Variants in RTTN observed in about 807,000 individuals in gnomAD.
RTTN encodes rotatin.
Under a neutral mutation model 269.2 loss-of-function variants are expected in RTTN, and 182 were observed. The ratio of observed to expected loss-of-function variants is 0.68; its 90% CI spans 0.60 to 0.76. RTTN has a LOEUF of 0.76. Among genes scored for constraint, RTTN ranks in the 30% least tolerant of loss-of-function variants. The pLI is 0.00. For missense variants in RTTN, 2,545 were observed against 2,608.6 expected (o/e 0.98, Z 0.53); for synonymous variants, 1,006 against 963.5 (o/e 1.04, Z -0.82).
At chr18:70,050,757 G>A (rs2057639191) in intron 39 of RTTN, among the ~76,000 whole-genome samples, 8 of 152,160 alleles carry the variant, frequency 5.3e-5, no homozygotes, top group Admixed American at 3.3e-4. Flanking sequence ...AAAAGAATGA[G>A]TTCATGTCCT....
At chr18:70,180,498 C>T (rs1243950125) in intron 10 of RTTN, among the ~76,000 whole-genome samples, 4 of 151,572 alleles carry the variant, frequency 2.6e-5, no homozygotes, top group South Asian at 4.2e-4. Context: ...ACGAAAATTG[C>T]TTCAATCCAG....
chr18:70,123,837 A>G (rs570701246), intron 25 of RTTN, among the ~76,000 whole-genome samples: 2 of 152,174 alleles, frequency 1.3e-5, no homozygotes, highest in East Asian at 1.9e-4. Flanking sequence ...GCCCACTGCT[A>G]TATTTCCTAC....
rs1190543631 is a variant in RTTN at position 70,020,596 on chromosome 18, G to A, written c.6153+19C>T. The A allele has an allele frequency of 1.4e-5, 22 of 1,580,040 alleles. No homozygotes were observed. The highest frequency in any genetic ancestry group is 1.9e-5 in the Non-Finnish European group (22 of 1,152,184). On this transcript the variant is annotated intron_variant, in intron 45 of 48. Coordinates refer to ENST00000640769, the MANE Select transcript of RTTN (RefSeq NM_173630.4). ...CACTGAGTACCCTTTTAAGATATGT[G>A]GGGAGTTTAAGTGCGTACCTTCTGA...
intron 37 of RTTN, among the ~76,000 whole-genome samples, chr18:70,056,112 T>C (rs1221602950): frequency 6.6e-6 from 1 of 152,264 alleles, no homozygotes; most frequent in Non-Finnish European, 1.5e-5. Flanking sequence ...CCTGCATTTA[T>C]GGCACAGACT....
In RTTN at chr18:70,025,534, G is replaced by A. The variant is rs2056830075; in HGVS notation, c.5824-686C>T. On this transcript the variant is annotated intron_variant, in intron 43 of 48. Transcript: ENST00000640769. ...GCACATAAATACACACACCCTATAC[G>A]ATTTCACATAGCATCAAGTGGCAGA... is the stretch of plus-strand genomic sequence containing the variant. Among the ~76,000 whole-genome samples the A allele has an allele frequency of 2.6e-5, 4 of 152,210 alleles. No homozygotes were observed. In the South Asian group the frequency reaches 6.2e-4, roughly 24 times the overall value.
Position 70,109,482 on chromosome 18 carries a change from T to C in RTTN, c.3903+16A>G, listed in dbSNP as rs2059404699. ...CAACTAATAGTAAATAACTACCATA[T>C]GCTATTTTTACTTACCTCAAGGAGA... On this transcript the variant is annotated intron_variant, in intron 28 of 48. Transcript: ENST00000640769. The C allele has an allele frequency of 1.3e-6, 2 of 1,595,630 alleles. No individual in the cohort carries two copies. The highest frequency in any genetic ancestry group is 1.7e-6 in the Non-Finnish European group (2 of 1,163,288).
At chr18:70,144,266 G>A (rs2060332563) in intron 18 of RTTN, among the ~76,000 whole-genome samples, 1 of 152,154 alleles carries the variant, frequency 6.6e-6, no homozygotes, top group South Asian at 2.1e-4. Context: ...GGTAGTACCA[G>A]GCTAACCTGA....
chr18:70,131,380 A>G (rs1332149303), intron 23 of RTTN: 1 of 151,608 alleles, frequency 6.6e-6, no homozygotes, highest in Admixed American at 6.6e-5. Flanking sequence ...ACCTGACAAT[A>G]AAAGAAAAAA....
chr18:70,031,177 G>C lies in RTTN; in HGVS notation c.5542-196C>G, dbSNP rs1316314600. ...GACTGTATAAGTTGCTTATAATATG[G>C]AAAAGAACAACAATCATTCTTAAAG... On this transcript the variant is annotated intron_variant, in intron 40 of 48. Coordinates refer to ENST00000640769, the MANE Select transcript of RTTN (RefSeq NM_173630.4). 8 of 543,096 alleles carry C rather than the reference G, an allele frequency of 1.5e-5. No individual in the cohort carries two copies. The East Asian group carries it at 2.4e-4, about 16-fold the overall frequency. 33.6% of individuals were successfully genotyped at this position (543,096 alleles called of 1,614,324 possible).
At chr18:70,053,029 C>T (rs372023754) in intron 38 of RTTN, among the ~76,000 whole-genome samples, 1 of 152,158 alleles carries the variant, frequency 6.6e-6, no homozygotes, top group African/African-American at 2.4e-5. Flanking sequence ...CCAATAGCAG[C>T]CAAGATACAC....
chr18:70,030,784 C>T, intron 41 of RTTN, 92 bp downstream of exon 41: 1 of 945,568 alleles, frequency 1.1e-6, no homozygotes, highest in Non-Finnish European at 1.6e-6. Flanking sequence ...ACGTTTTTTA[C>T]ATTTTGAGTC....
At chr18:70,123,081 T>C (rs1370579849) in intron 25 of RTTN, among the ~76,000 whole-genome samples, 1 of 152,182 alleles carries the variant, frequency 6.6e-6, no homozygotes, top group Non-Finnish European at 1.5e-5. Flanking sequence ...TATGGCATTT[T>C]AGTCTAGAGG....
intron 13 of RTTN, 63 bp downstream of exon 13, chr18:70,166,856 T>C: frequency 1.9e-6 from 2 of 1,080,298 alleles, no homozygotes; most frequent in Non-Finnish European, 2.7e-6. Context: ...TCACTGTTTC[T>C]AAGTTTACAC....
At position 70,031,545 on chromosome 18, in the gene RTTN, C is replaced by T. The variant is rs80147139; in HGVS notation, c.5542-564G>A. 1,057 of 390,702 alleles carry T rather than the reference C, an allele frequency of 2.7e-3. 16 individuals are homozygous for T. In the East Asian group the frequency reaches 0.036, roughly 13 times the overall value. The allele number at this position is 390,702 out of a possible 1,614,324, so 24.2% of individuals were successfully genotyped here. On this transcript the variant is annotated intron_variant, in intron 40 of 48. Coordinates refer to ENST00000640769, the MANE Select transcript of RTTN (RefSeq NM_173630.4). ...AGAAATGGAAAATCATTTGTAATTC[C>T]GAAACTACTATTTCTGTATATTTCC...
chr18:70,013,051 C>T (rs2056437986), intron 46 of RTTN, among the ~76,000 whole-genome samples: 1 of 152,186 alleles, frequency 6.6e-6, no homozygotes, highest in Admixed American at 6.5e-5. Context: ...CACGCTGCAG[C>T]CGACTCCCTG....
rs1158313836 is a variant in RTTN, at chr18:70,057,841, A to G, written c.4941-9T>C. On this transcript the variant is annotated splice_polypyrimidine_tract_variant and intron_variant, in intron 36 of 48. Transcript: ENST00000640769. ...GGGTAGCATCTGCAATGCTGTGACG[A>G]TCAGAAAAAGAAAATCCTTCAGAAG... 10 of 1,602,078 alleles carry G rather than the reference A, an allele frequency of 6.2e-6. No homozygotes were observed. Among genetic ancestry groups the G allele is most frequent in the Non-Finnish European group, 8.5e-6 (10 of 1,170,602 alleles).
chr18:70,185,531 G>T (rs1477142214), intron 10 of RTTN, among the ~76,000 whole-genome samples: 1 of 152,146 alleles, frequency 6.6e-6, no homozygotes, highest in Non-Finnish European at 1.5e-5. Context: ...AGCTAATCTT[G>T]TATTTAATGG....
chr18:70,108,276 CAA>C (rs71178848), intron 28 of RTTN, among the ~76,000 whole-genome samples: 102 of 146,118 alleles, frequency 7.0e-4, no homozygotes, highest in Non-Finnish European at 7.7e-4. Context: ...GACTCTGTCT[CAA>C]AAAAAAAAAA....
intron 14 of RTTN, among the ~76,000 whole-genome samples, chr18:70,163,112 G>T (rs888530797): frequency 7.8e-6 from 1 of 128,488 alleles, no homozygotes. Flanking sequence ...GGCCAGACAC[G>T]GTGGCTCACA....
Sources: allele counts gnomAD v4.1 joint callset (sites outside exome capture counted in the v4.1 genomes callset), GRCh38; gene constraint gnomAD v4.1.1; transcripts MANE v1.5; gene names NCBI Gene and HGNC (gene_info 2026-07-23, HGNC 2026-07-21).